The following OTUD7A variants were observed in gnomAD, a reference collection of about 807,000 sequenced individuals.
OTUD7A encodes the protein OTU domain-containing protein 7A.
Under a neutral mutation model 65.7 loss-of-function variants are expected in OTUD7A, and 12 were observed. The observed-to-expected ratio is 0.18, with a 90% CI of 0.12 to 0.30. OTUD7A has a LOEUF of 0.30. OTUD7A is among the 10% of genes least tolerant of loss of function. The pLI is 1.00. For missense variants in OTUD7A, 1,148 were observed against 1,304.8 expected (o/e 0.88, Z 1.85); for synonymous variants, 641 against 586.3 (o/e 1.09, Z -1.35).
intron 3 of OTUD7A, 117 bp from the exon 4 acceptor site, chr15:31,570,314 C>G: frequency 8.3e-7 from 1 of 1,204,186 alleles, no homozygotes; most frequent in Non-Finnish European, 1.2e-6. Flanking sequence ...TGAATTTTTA[C>G]CAGTAGTTCT....
At chr15:31,767,431 T>C (rs1429906561) in intron 1 of OTUD7A, 8 of 774,168 alleles carry the variant, frequency 1.0e-5, no homozygotes, top group Middle Eastern at 5.3e-4. Flanking sequence ...GGATTATTCA[T>C]ATCATTGCTT....
At chr15:31,665,144 C>A (rs948580938) in intron 1 of OTUD7A, among the ~76,000 whole-genome samples, 1 of 152,058 alleles carries the variant, frequency 6.6e-6, no homozygotes, top group Non-Finnish European at 1.5e-5. Context: ...TATGCAGGCT[C>A]TTTTTTTGGT....
chr15:31,665,825 G>A (rs1172137186), intron 1 of OTUD7A, among the ~76,000 whole-genome samples: 2 of 152,138 alleles, frequency 1.3e-5, no homozygotes, highest in African/African-American at 2.4e-5. Flanking sequence ...ATTGAGGTAT[G>A]TCCCTTGTAT....
At chr15:31,617,836 T>C (rs1168761791) in intron 3 of OTUD7A, among the ~76,000 whole-genome samples, 1 of 152,172 alleles carries the variant, frequency 6.6e-6, no homozygotes. Context: ...CATGCAGGTT[T>C]GTTACATATG....
rs2041933524 is a variant in OTUD7A, at chr15:31,521,245, C to T, written c.893+5104G>A. ...GCAATATTTGCATGTAAGAAACCTGCACTTGTATCCCCTAAACATATTTAA... is the reference window on the plus strand; with the variant it reads ...GCAATATTTGCATGTAAGAAACCTGTACTTGTATCCCCTAAACATATTTAA... On this transcript the variant is annotated intron_variant, in intron 8 of 12. Transcript: ENST00000307050. 2.6e-5 allele frequency among the ~76,000 whole-genome samples: 4 copies of T among 152,126 alleles called. 1 individual carries two copies. The South Asian group carries it at 8.3e-4, about 32-fold the overall frequency.
chr15:31,718,642 A>G (rs376963615), intron 1 of OTUD7A, among the ~76,000 whole-genome samples: 7,206 of 134,026 alleles, frequency 0.054, 363 homozygotes, highest in Non-Finnish European at 0.072. Flanking sequence ...CAGCTCTTCT[A>G]ATGGCACCAC....
In OTUD7A at chr15:31,564,387, G is replaced by GTTTTTT. The variant is rs398026753; in HGVS notation, c.332-5206_332-5201dup. Among the ~76,000 whole-genome samples, 29 of 119,924 alleles carry GTTTTTT rather than the reference G, an allele frequency of 2.4e-4. 4 individuals are homozygous for GTTTTTT. The highest frequency in any genetic ancestry group is 8.0e-4 in the Admixed American group (9 of 11,312). 78.7% of individuals were successfully genotyped at this position (119,924 alleles called of 152,430 possible). On this transcript the variant is annotated intron_variant, in intron 4 of 12. Transcript: ENST00000307050. Reference sequence around the variant, plus strand: ...TTTTTGGAAGTAGTCTTTGAGGAAGGTTTTTTTTTTTTTAGCAAAAGAGAA... The same window carrying GTTTTTT: ...TTTTTGGAAGTAGTCTTTGAGGAAGGTTTTTTTTTTTTTTTTTTTAGCAAAAGAGAA...
chr15:31,637,829 A>G (rs1321767422), intron 3 of OTUD7A, among the ~76,000 whole-genome samples: 1 of 152,214 alleles, frequency 6.6e-6, no homozygotes, highest in African/African-American at 2.4e-5. Flanking sequence ...TTAGAAGTGG[A>G]GTCTGAAGAT....
At chr15:31,767,344 T>C in intron 1 of OTUD7A, 1 of 776,118 alleles carries the variant, frequency 1.3e-6, no homozygotes, top group Non-Finnish European at 2.4e-6. Context: ...TATTCAAAAG[T>C]AAGTAGAGGT....
At chr15:31,504,528 C>CTTT (rs1408879197) in intron 8 of OTUD7A, among the ~76,000 whole-genome samples, 1 of 152,194 alleles carries the variant, frequency 6.6e-6, no homozygotes, top group African/African-American at 2.4e-5. Context: ...CAAGGCCACC[C>CTTT]AAAAGGGAGG....
intron 1 of OTUD7A, among the ~76,000 whole-genome samples, chr15:31,699,405 C>T (rs971418907): frequency 3.3e-5 from 5 of 152,250 alleles, no homozygotes; most frequent in African/African-American, 9.6e-5. Context: ...CCCTTGGGTC[C>T]GAGGTGAGTT....
At position 31,480,392 on chromosome 15, in the gene OTUD7A, T is replaced by C. The variant is rs2041099290; in HGVS notation, c.*2902A>G. The C allele has an allele frequency of 6.6e-6, 1 of 152,244 alleles. No homozygotes were observed. The highest frequency in any genetic ancestry group is 1.5e-5 in the Non-Finnish European group (1 of 68,050). 9.4% of individuals were successfully genotyped at this position (152,244 alleles called of 1,614,324 possible). A position where few individuals can be genotyped will look rare whatever the true frequency, so the allele number is the denominator to read the frequency against. On this transcript the variant is annotated 3_prime_UTR_variant, in exon 13 of 13. Coordinates refer to ENST00000307050, the MANE Select transcript of OTUD7A (RefSeq NM_001382637.1). ...GATCCTCTGGAAACCTGCAGTCCCT[T>C]GGAGACACCTGTCCTTCCTAGAAAG... is the stretch of plus-strand genomic sequence containing the variant.
At chr15:31,869,874 T>C (rs1302841575) in intron 1 of OTUD7A, among the ~76,000 whole-genome samples, 4 of 152,204 alleles carry the variant, frequency 2.6e-5, no homozygotes, top group South Asian at 2.1e-4. Flanking sequence ...GCACCGCAGA[T>C]GCAATTTTTT....
Position 31,660,853 on chromosome 15 carries a change from T to C in OTUD7A, c.-99-3776A>G, listed in dbSNP as rs892685941. ...GTTGAAGCTGATATTCTCAAACACA[T>C]TGTCTTGTAGGAACTGAGGAAGGCT... On this transcript the variant is annotated intron_variant, in intron 1 of 12. Transcript: ENST00000307050. 2.0e-5 allele frequency among the ~76,000 whole-genome samples: 3 copies of C among 152,212 alleles called. No homozygotes were observed. The East Asian group carries it at 5.8e-4, about 29-fold the overall frequency.
At chr15:31,868,830 G>A (rs1036439349) in intron 1 of OTUD7A, among the ~76,000 whole-genome samples, 1 of 152,130 alleles carries the variant, frequency 6.6e-6, no homozygotes, top group Non-Finnish European at 1.5e-5. Context: ...AACACTAAAG[G>A]CCTAAGTAAC....
rs192869362 is a variant in OTUD7A, at chr15:31,561,681, C to A, written c.332-2494G>T. Among the ~76,000 whole-genome samples, 6 of 152,110 alleles carry A rather than the reference C, an allele frequency of 3.9e-5. No homozygotes were observed. The East Asian group carries it at 1.2e-3, about 29-fold the overall frequency. ...TTGAACTAAAAATATTAATAGATTGCGTTGAAGATCATATAAAATGAGAAA... is the reference window on the plus strand; with the variant it reads ...TTGAACTAAAAATATTAATAGATTGAGTTGAAGATCATATAAAATGAGAAA... On this transcript the variant is annotated intron_variant, in intron 4 of 12. Transcript: ENST00000307050.
At chr15:31,675,585 A>C (rs1204677198) in intron 1 of OTUD7A, among the ~76,000 whole-genome samples, 2 of 152,194 alleles carry the variant, frequency 1.3e-5, no homozygotes, top group Non-Finnish European at 2.9e-5. Flanking sequence ...AGGACTTATC[A>C]GACCTAATAA....
At chr15:31,641,553 G>A (rs1033624039) in intron 3 of OTUD7A, among the ~76,000 whole-genome samples, 3 of 152,098 alleles carry the variant, frequency 2.0e-5, no homozygotes, top group African/African-American at 4.8e-5. Context: ...CAACAATATT[G>A]AGTCTTTTGA....
chr15:31,828,906 C>A (rs1173663869), intron 1 of OTUD7A, among the ~76,000 whole-genome samples: 3 of 152,130 alleles, frequency 2.0e-5, no homozygotes, highest in African/African-American at 7.2e-5. Flanking sequence ...TGGAGGAGGG[C>A]ATGGTCCCTT....
Sources: gnomAD v4.1 joint callset for allele counts (sites outside exome capture counted in the v4.1 genomes callset) on GRCh38, gnomAD v4.1.1 for gene constraint, MANE v1.5 for transcripts, NCBI Gene and HGNC (gene_info 2026-07-23, HGNC 2026-07-21) for gene names.